The following CFAP20DC variants were observed in gnomAD, a reference collection of about 807,000 sequenced individuals.
The protein encoded by CFAP20DC is protein CFAP20DC.
CFAP20DC carries 84 observed loss-of-function variants against 101.7 expected under a neutral mutation model. The ratio of observed to expected loss-of-function variants is 0.83; its 90% CI spans 0.69 to 0.99. The LOEUF is 0.99. Ranked by LOEUF, CFAP20DC falls within the 50% of genes least tolerant of loss-of-function variation. CFAP20DC has a pLI of 0.00. For missense variants in CFAP20DC, 1,007 were observed against 970.3 expected (o/e 1.04, Z -0.50); for synonymous variants, 359 against 351.2 (o/e 1.02, Z -0.25).
At chr3:58,965,811 T>C (rs17059993) in intron 4 of CFAP20DC, among the ~76,000 whole-genome samples, 3,408 of 152,294 alleles carry the variant, frequency 0.022, 113 homozygotes, top group African/African-American at 0.076. Flanking sequence ...GAACATAAGA[T>C]ACTGTAACAA....
chr3:58,956,468 G>C (rs575459366), intron 4 of CFAP20DC, among the ~76,000 whole-genome samples: 2 of 152,224 alleles, frequency 1.3e-5, no homozygotes, highest in East Asian at 3.9e-4. Context: ...GGAGAGAAGA[G>C]TGGGAAAGAC....
At chr3:58,774,987 G>A (rs1052834988) in intron 15 of CFAP20DC, among the ~76,000 whole-genome samples, 2 of 152,086 alleles carry the variant, frequency 1.3e-5, no homozygotes, top group Non-Finnish European at 2.9e-5. Flanking sequence ...GCTAACTATT[G>A]TAAACCCAGA....
rs1166543982 is a variant in CFAP20DC at position 58,846,697 on chromosome 3, G to A, written c.1971+2335C>T. On this transcript the variant is annotated intron_variant, in intron 13 of 16. Coordinates refer to ENST00000482387, the MANE Select transcript of CFAP20DC (RefSeq NM_001394063.1). ...TTTATATGGAACCAAAAAAGAGCCC[G>A]CATCGCCAAGTCAATCCTAAGCCAA... Among the ~76,000 whole-genome samples the A allele has an allele frequency of 3.9e-4, 59 of 151,346 alleles. No homozygotes were observed. In the South Asian group the frequency reaches 6.5e-3, roughly 17 times the overall value.
At chr3:59,012,292 G>T (rs1467648198) in intron 4 of CFAP20DC, among the ~76,000 whole-genome samples, 1 of 152,204 alleles carries the variant, frequency 6.6e-6, no homozygotes, top group African/African-American at 2.4e-5. Context: ...GATACACAAG[G>T]ATATGAAAGA....
At chr3:58,889,199 C>T (rs1378119663) in intron 6 of CFAP20DC, among the ~76,000 whole-genome samples, 1 of 152,164 alleles carries the variant, frequency 6.6e-6, no homozygotes, top group East Asian at 1.9e-4. Flanking sequence ...CAAGGGCCGA[C>T]TAGACATGTG....
intron 4 of CFAP20DC, among the ~76,000 whole-genome samples, chr3:58,966,053 C>T (rs10452042): frequency 0.094 from 14,295 of 152,206 alleles, 2,232 homozygotes; most frequent in African/African-American, 0.32. Flanking sequence ...TCAAGAAAAA[C>T]GGCTGAGTAT....
At chr3:58,975,548 C>G (rs2092229604) in intron 4 of CFAP20DC, among the ~76,000 whole-genome samples, 2 of 152,090 alleles carry the variant, frequency 1.3e-5, no homozygotes, top group Non-Finnish European at 2.9e-5. Flanking sequence ...ACAGCATAAT[C>G]TTAGCTTAAA....
At chr3:58,740,895 T>C (rs2067866686), downstream of CFAP20DC, among the ~76,000 whole-genome samples, 2 of 152,214 alleles carry the variant, frequency 1.3e-5, no homozygotes, top group Non-Finnish European at 2.9e-5. This position sits in a 1 kb window ranked among gnomAD's most constrained non-coding sequence, Gnocchi z 4.6. Flanking sequence ...TTTTGCATGC[T>C]TTGGAAAGCT....
intron 4 of CFAP20DC, among the ~76,000 whole-genome samples, chr3:58,970,964 C>T (rs1002810982): frequency 2.0e-5 from 3 of 152,046 alleles, no homozygotes; most frequent in Non-Finnish European, 4.4e-5. Flanking sequence ...AAAAAATAAC[C>T]ATCTCTAGCA....
At chr3:58,816,073 T>C (rs1387704911) in intron 14 of CFAP20DC, among the ~76,000 whole-genome samples, 2 of 151,818 alleles carry the variant, frequency 1.3e-5, no homozygotes, top group South Asian at 2.1e-4. Context: ...ATATTTATTG[T>C]GGCATTATTC....
intron 4 of CFAP20DC, among the ~76,000 whole-genome samples, chr3:59,024,973 T>G (rs1000812069): frequency 1.3e-5 from 2 of 152,188 alleles, no homozygotes; most frequent in South Asian, 4.1e-4. Flanking sequence ...TGAATTGTCT[T>G]CAATCATCAC....
At chr3:58,985,617 T>C (rs2108554945) in intron 4 of CFAP20DC, among the ~76,000 whole-genome samples, 1 of 152,352 alleles carries the variant, frequency 6.6e-6, no homozygotes, top group South Asian at 2.1e-4. Context: ...GTGGCTTTTA[T>C]ACATGTTTAT....
At chr3:58,824,352 G>C (rs759673166) in intron 14 of CFAP20DC, 14 of 152,160 alleles carry the variant, frequency 9.2e-5, no homozygotes, top group Non-Finnish European at 1.8e-4. Context: ...ATGCTGTGGA[G>C]CAAAGAAATG....
chr3:58,902,259 G>A (rs116254264), intron 6 of CFAP20DC, among the ~76,000 whole-genome samples: 1 of 152,138 alleles, frequency 6.6e-6, no homozygotes, highest in Non-Finnish European at 1.5e-5. Flanking sequence ...GATTATGTAT[G>A]TACATGCACT....
rs193030344 is a variant in CFAP20DC at position 59,045,338 on chromosome 3, G to A, written c.205+891C>T. On this transcript the variant is annotated intron_variant, in intron 3 of 16. Transcript: ENST00000482387. Reference sequence around the variant, plus strand: ...AGAGCTTCATGCATGGTAGGTATTCGATAAATGTTCTAATGAATGAAAGAA... The same window carrying A: ...AGAGCTTCATGCATGGTAGGTATTCAATAAATGTTCTAATGAATGAAAGAA... Among the ~76,000 whole-genome samples the A allele has an allele frequency of 2.0e-3, 298 of 151,886 alleles. 2 individuals are homozygous for A. Among genetic ancestry groups the A allele is most frequent in the Non-Finnish European group, 1.4e-3 (95 of 67,894 alleles).
intron 4 of CFAP20DC, among the ~76,000 whole-genome samples, chr3:58,967,320 G>GAAAAA (rs931502160): frequency 1.3e-5 from 2 of 151,934 alleles, no homozygotes; most frequent in African/African-American, 4.8e-5. Flanking sequence ...ACATGCAAAA[G>GAAAAA]AAAAAAATTT....
chr3:58,821,295 G>C (rs982547462), intron 14 of CFAP20DC, among the ~76,000 whole-genome samples: 1 of 152,132 alleles, frequency 6.6e-6, no homozygotes, highest in Non-Finnish European at 1.5e-5. Context: ...TTGACAAATG[G>C]GATCTAGTTA....
intron 14 of CFAP20DC, among the ~76,000 whole-genome samples, chr3:58,815,071 C>G (rs795407): frequency 1.3e-5 from 2 of 151,496 alleles, no homozygotes; most frequent in African/African-American, 4.9e-5. Context: ...GCCAAAAGAA[C>G]AAAGCTGGAG....
rs780931204 is a variant in CFAP20DC at position 58,866,638 on chromosome 3, T to C, written c.1186A>G (p.Thr396Ala). 2 of 1,603,224 alleles carry C rather than the reference T, an allele frequency of 1.2e-6. No individual in the cohort carries two copies. The highest frequency in any genetic ancestry group is 1.7e-5 in the Admixed American group (1 of 59,912). ...TCTGCTCCTTGTTGGGACACAGTGG[T>C]GAGGATAGTTGATGCTTTATCTTCA... ...RIEDKASTIL[T>A]TVSQQGAELL... Residue 396 changes from threonine to alanine, a missense_variant, in exon 11 of 17, where the codon ACC becomes GCC. Physicochemically the swap from Thr to Ala is moderately conservative, Grantham distance 58. Coordinates refer to ENST00000482387, the MANE Select transcript of CFAP20DC (RefSeq NM_001394063.1).
Sources: gnomAD v4.1 joint callset for allele counts (sites outside exome capture counted in the v4.1 genomes callset) on GRCh38, gnomAD v4.1.1 for gene constraint, Gnocchi (gnomAD v3.1) non-coding constraint, MANE v1.5 for transcripts, NCBI Gene and HGNC (gene_info 2026-07-23, HGNC 2026-07-21) for gene names.